RIC1: variants seen among roughly 807,000 people sequenced by gnomAD.
RIC1 encodes guanine nucleotide exchange factor subunit RIC1.
Under a neutral mutation model 169.0 loss-of-function variants are expected in RIC1, and 88 were observed. That is an observed-to-expected ratio of 0.52 (90% confidence interval 0.44 to 0.62). RIC1 has a LOEUF of 0.62. Among genes scored for constraint, RIC1 ranks in the 20% least tolerant of loss-of-function variants. The pLI is 0.00. For synonymous variants in RIC1, 790 were observed against 601.5 expected (o/e 1.31, Z -4.59); for missense variants, 1,877 against 1,725.5 (o/e 1.09, Z -1.56).
At chr9:5,650,808 C>T (rs1158169308) in intron 1 of RIC1, among the ~76,000 whole-genome samples, 3 of 152,226 alleles carry the variant, frequency 2.0e-5, no homozygotes, top group African/African-American at 7.2e-5. Context: ...CTTGCCTGTT[C>T]TCCACAGTGT....
intron 6 of RIC1, among the ~76,000 whole-genome samples, chr9:5,727,704 CATACAT>C (rs1824086305): frequency 6.6e-6 from 1 of 152,200 alleles, no homozygotes; most frequent in South Asian, 2.1e-4. Flanking sequence ...ATGATGCTGA[CATACAT>C]ATGGGGTTTT....
chr9:5,717,627 C>T (rs1012004745), intron 4 of RIC1, among the ~76,000 whole-genome samples: 4 of 152,106 alleles, frequency 2.6e-5, no homozygotes, highest in African/African-American at 9.7e-5. Context: ...GGTGGATCAC[C>T]TGAGGTCAGG....
intron 7 of RIC1, among the ~76,000 whole-genome samples, chr9:5,735,552 A>G (rs1047563579): frequency 6.6e-6 from 1 of 152,192 alleles, no homozygotes; most frequent in Admixed American, 6.5e-5. Flanking sequence ...CGAGACTACA[A>G]GTTCTCTTCT....
intron 2 of RIC1, among the ~76,000 whole-genome samples, chr9:5,685,266 G>GA (rs994701158): frequency 1.3e-5 from 2 of 149,556 alleles, no homozygotes; most frequent in Non-Finnish European, 3.0e-5. Context: ...CACAGAATTG[G>GA]AAAAAACTAC....
At chr9:5,726,520 G>C (rs1056672306) in intron 6 of RIC1, among the ~76,000 whole-genome samples, 1 of 152,182 alleles carries the variant, frequency 6.6e-6, no homozygotes, top group South Asian at 2.1e-4. Context: ...TTGCCAGTCT[G>C]TGTCTTTTAA....
intron 12 of RIC1, among the ~76,000 whole-genome samples, chr9:5,752,471 G>A (rs1286941346): frequency 1.4e-5 from 2 of 147,168 alleles, no homozygotes; most frequent in African/African-American, 2.5e-5. Context: ...ACGGAGTTTC[G>A]CTCTTATTCC....
chr9:5,639,248 T>C (rs905599043), intron 1 of RIC1, among the ~76,000 whole-genome samples: 1 of 152,214 alleles, frequency 6.6e-6, no homozygotes, highest in Non-Finnish European at 1.5e-5. Context: ...TATAAATTTC[T>C]CTGTTAATAC....
chr9:5,682,409 C>T (rs1284305990), intron 2 of RIC1, among the ~76,000 whole-genome samples: 1 of 152,146 alleles, frequency 6.6e-6, no homozygotes, highest in East Asian at 1.9e-4. Flanking sequence ...ATTTCTCTTT[C>T]ACTTATGAAG....
chr9:5,669,940 T>A (rs1453751631), intron 2 of RIC1, among the ~76,000 whole-genome samples: 1 of 151,894 alleles, frequency 6.6e-6, no homozygotes, highest in Non-Finnish European at 1.5e-5. Context: ...AGTGTGGGGG[T>A]CTTGCTAAAC....
At chr9:5,635,655 C>T (rs779028474) in intron 1 of RIC1, among the ~76,000 whole-genome samples, 1 of 152,168 alleles carries the variant, frequency 6.6e-6, no homozygotes, top group Non-Finnish European at 1.5e-5. Flanking sequence ...CATCTCTAAT[C>T]GTAATCCTCA....
rs968289072 is a variant in RIC1 at position 5,745,226 on chromosome 9, C to G, written c.1096-705C>G. ...TTTATCATAGGAAAACATAAAAGTT[C>G]TATTAAACTTTTGAAATTTTGCAAC... On this transcript the variant is annotated intron_variant, in intron 10 of 25. Coordinates refer to ENST00000414202, the MANE Select transcript of RIC1 (RefSeq NM_020829.4). Among the ~76,000 whole-genome samples the G allele has an allele frequency of 4.6e-5, 7 of 152,126 alleles. No homozygotes were observed. In the South Asian group the frequency reaches 1.0e-3, roughly 23 times the overall value.
In RIC1 at chr9:5,726,137, A is replaced by G. The variant is rs139145573; in HGVS notation, c.720+5387A>G. On this transcript the variant is annotated intron_variant, in intron 6 of 25. Transcript: ENST00000414202. ...AACTTTCTGTCTCTTTGATCTGTCT[A>G]ATGTTTACGGTGGGGTGTTAAAGTC... Among the ~76,000 whole-genome samples, 12 of 152,166 alleles carry G rather than the reference A, an allele frequency of 7.9e-5. No homozygotes were observed. The South Asian group carries it at 1.0e-3, about 13-fold the overall frequency.
intron 8 of RIC1, among the ~76,000 whole-genome samples, chr9:5,740,127 G>C (rs2130965268): frequency 6.6e-6 from 1 of 152,244 alleles, no homozygotes; most frequent in South Asian, 2.1e-4. Context: ...CAACCAACTA[G>C]CTTCATTATG....
chr9:5,677,509 G>C (rs1288945501), intron 2 of RIC1, among the ~76,000 whole-genome samples: 1 of 151,786 alleles, frequency 6.6e-6, no homozygotes, highest in Non-Finnish European at 1.5e-5. Flanking sequence ...CATATGTGTG[G>C]GTTTACTTCT....
In RIC1 at chr9:5,678,101, G is replaced by GT. The variant is rs1001073323; in HGVS notation, c.253-11851dup. ...CTATGAGTGAGAACATGCGGTGTTT[G>GT]TTTTTTTGTCCTTGGGATAGTTTGC... On this transcript the variant is annotated intron_variant, in intron 2 of 25. Coordinates refer to ENST00000414202, the MANE Select transcript of RIC1 (RefSeq NM_020829.4). 2.2e-4 allele frequency among the ~76,000 whole-genome samples: 34 copies of GT among 151,282 alleles called. 1 individual carries two copies. The highest frequency in any genetic ancestry group is 8.0e-4 in the African/African-American group (33 of 41,162).
In RIC1 at chr9:5,690,008, A is replaced by C; in HGVS notation, c.302A>C (p.Asp101Ala). 1.2e-6 allele frequency: 2 copies of C among 1,600,486 alleles called. No homozygotes were observed. The highest frequency in any genetic ancestry group is 1.7e-6 in the Non-Finnish European group (2 of 1,175,604). Residue 101 changes from aspartate (D) to alanine (A), a missense_variant, in exon 3 of 26, where the codon GAC (aspartate) becomes GCC (alanine). Physicochemically the swap from Asp to Ala is moderately radical, Grantham distance 126. Around this residue, in one of 3 missense-constraint regions of RIC1, gnomAD observed 1,104 missense variants for 992.0 expected, o/e 1.11. Transcript: ENST00000414202. ...LFFHITSTRGDKYLYEPVYPK... is the reference protein window; with the variant it reads ...LFFHITSTRGAKYLYEPVYPK... ...TTTCATATTACATCTACAAGAGGGG[A>C]CAAGTACCTTTATGAACCAGTGTAT...
At chr9:5,771,119 A>G (rs975964732) in intron 23 of RIC1, among the ~76,000 whole-genome samples, 1 of 152,196 alleles carries the variant, frequency 6.6e-6, no homozygotes, top group South Asian at 2.1e-4. Context: ...CAGAGTTTGT[A>G]GTGTTAATTA....
intron 2 of RIC1, among the ~76,000 whole-genome samples, chr9:5,672,732 G>A (rs968880897): frequency 4.6e-5 from 7 of 152,210 alleles, no homozygotes; most frequent in East Asian, 3.9e-4. Flanking sequence ...ATTTGATTGC[G>A]GGTGGGGCTA....
Position 5,775,865 on chromosome 9 carries a change from A to G in RIC1, c.*1619A>G, listed in dbSNP as rs183727726. ...ATTGGTACCTGGTCCTTCTGGTGCT[A>G]TTTTTATTTAAGTCTTTGTTTCAAA... On this transcript the variant is annotated 3_prime_UTR_variant, in exon 26 of 26. Transcript: ENST00000414202. 1 of 152,232 alleles carries G rather than the reference A, an allele frequency of 6.6e-6. No homozygotes were observed. Among genetic ancestry groups the G allele is most frequent in the African/African-American group, 2.4e-5 (1 of 41,564 alleles). 9.4% of individuals were successfully genotyped at this position (152,232 alleles called of 1,614,324 possible). A position where few individuals can be genotyped will look rare whatever the true frequency, so the allele number is the denominator to read the frequency against.
Sources: gnomAD v4.1 joint callset for allele counts (sites outside exome capture counted in the v4.1 genomes callset) on GRCh38, gnomAD v4.1.1 for gene constraint, gnomAD v4.1.1 regional missense constraint, MANE v1.5 for transcripts, NCBI Gene and HGNC (gene_info 2026-07-23, HGNC 2026-07-21) for gene names.